CBLN2: variants seen among roughly 807,000 people sequenced by gnomAD.
The protein encoded by CBLN2 is cerebellin-2.
A neutral mutation model predicts 15.0 loss-of-function variants in CBLN2; 7 were observed. That is an observed-to-expected ratio of 0.47 (90% CI 0.27 to 0.88). The LOEUF is 0.88. Among genes scored for constraint, CBLN2 ranks in the 40% least tolerant of loss-of-function variants. CBLN2 has a pLI of 0.14. For synonymous variants in CBLN2, 149 were observed against 135.2 expected (o/e 1.10, Z -0.71); for missense variants, 242 against 304.5 (o/e 0.79, Z 1.53).
intron 1 of CBLN2, among the ~76,000 whole-genome samples, chr18:72,601,567 C>A (rs2144943054): frequency 6.6e-6 from 1 of 152,270 alleles, no homozygotes; most frequent in Non-Finnish European, 1.5e-5. Context: ...TTTCGCAGAC[C>A]CTCACCATTC....
intron 1 of CBLN2, among the ~76,000 whole-genome samples, chr18:72,550,737 T>C (rs970786849): frequency 3.3e-5 from 5 of 152,062 alleles, no homozygotes; most frequent in African/African-American, 1.2e-4. Context: ...AAATCCTCTA[T>C]GTGCCTTTAG....
intron 1 of CBLN2, among the ~76,000 whole-genome samples, chr18:72,586,617 C>T (rs1022988593): frequency 1.3e-5 from 2 of 152,170 alleles, no homozygotes; most frequent in Admixed American, 6.5e-5. Flanking sequence ...TTAAGCCAAA[C>T]TTGAACATTT....
chr18:72,584,581 C>T (rs1251051973), intron 1 of CBLN2, among the ~76,000 whole-genome samples: 2 of 151,946 alleles, frequency 1.3e-5, no homozygotes, highest in African/African-American at 4.8e-5. Context: ...GGATTACATG[C>T]ATAAGCCACC....
At chr18:72,580,050 A>G (rs2069392896) in intron 1 of CBLN2, among the ~76,000 whole-genome samples, 1 of 152,010 alleles carries the variant, frequency 6.6e-6, no homozygotes, top group African/African-American at 2.4e-5. Context: ...TTTCAAAAGA[A>G]GATATGATTA....
At chr18:72,634,995 G>T (rs900673590) in intron 1 of CBLN2, among the ~76,000 whole-genome samples, 2 of 151,972 alleles carry the variant, frequency 1.3e-5, no homozygotes, top group Non-Finnish European at 2.9e-5. Flanking sequence ...TTTCTTCCAT[G>T]GCTTATATTT....
chr18:72,588,407 C>T (rs2069457014), intron 1 of CBLN2, among the ~76,000 whole-genome samples: 1 of 152,054 alleles, frequency 6.6e-6, no homozygotes, highest in Non-Finnish European at 1.5e-5. Flanking sequence ...TGAAATTGAC[C>T]ATCTTAAAGT....
intron 1 of CBLN2, among the ~76,000 whole-genome samples, chr18:72,632,567 G>C (rs1379677566): frequency 2.6e-5 from 4 of 152,082 alleles, no homozygotes; most frequent in Non-Finnish European, 5.9e-5. Flanking sequence ...CTTTTACAAT[G>C]TGGCCATGAC....
upstream of CBLN2, among the ~76,000 whole-genome samples, chr18:72,548,477 C>T (rs2069172511): frequency 6.6e-6 from 1 of 152,144 alleles, no homozygotes; most frequent in East Asian, 1.9e-4. Flanking sequence ...AACTGAGCTA[C>T]TATAAGGCTA....
chr18:72,577,795 ATGT>A (rs1433510943), intron 1 of CBLN2, among the ~76,000 whole-genome samples: 2 of 152,312 alleles, frequency 1.3e-5, no homozygotes, highest in African/African-American at 2.4e-5. Flanking sequence ...GTAGACGTAA[ATGT>A]TGTTCACTGA....
intron 1 of CBLN2, among the ~76,000 whole-genome samples, chr18:72,565,573 T>C (rs143589739): frequency 2.0e-5 from 3 of 152,304 alleles, no homozygotes; most frequent in African/African-American, 7.2e-5. Flanking sequence ...TTATCAACTT[T>C]AGAAAGTCTA....
intron 1 of CBLN2, among the ~76,000 whole-genome samples, chr18:72,637,688 G>A (rs55860518): frequency 0.12 from 18,975 of 152,188 alleles, 1,288 homozygotes; most frequent in Middle Eastern, 0.16. Context: ...CATGTATTAA[G>A]TGTCTACCAT....
chr18:72,618,139 T>C (rs1410344210), intron 1 of CBLN2: 2 of 158,198 alleles, frequency 1.3e-5, no homozygotes, highest in African/African-American at 2.4e-5. Flanking sequence ...AATTTTCTTA[T>C]ATTATTGGTC....
In CBLN2 at chr18:72,616,390, G is replaced by T. The variant is rs2069662280; in HGVS notation, c.15+21935C>A. 3.9e-5 allele frequency among the ~76,000 whole-genome samples: 6 copies of T among 152,106 alleles called. No homozygotes were observed. In the South Asian group the frequency reaches 1.2e-3, roughly 32 times the overall value. On this transcript the variant is annotated intron_variant, in intron 1 of 2. Coordinates refer to the CBLN2 transcript ENST00000581073. Reference sequence around the variant, plus strand: ...TCACTATTTGGGTGCCATGGCTTGGGTCATATAGGAACTCGCCTTTGGGTC... The same window carrying T: ...TCACTATTTGGGTGCCATGGCTTGGTTCATATAGGAACTCGCCTTTGGGTC...
At chr18:72,578,511 C>G (rs532141331) in intron 1 of CBLN2, among the ~76,000 whole-genome samples, 3 of 152,282 alleles carry the variant, frequency 2.0e-5, no homozygotes, top group Admixed American at 6.5e-5. Context: ...TGGTGAAGAT[C>G]ATCATTTCTA....
chr18:72,631,536 T>G (rs563882229), intron 1 of CBLN2, among the ~76,000 whole-genome samples: 6 of 152,150 alleles, frequency 3.9e-5, no homozygotes, highest in African/African-American at 1.4e-4. Flanking sequence ...AATTGGGTGC[T>G]TGGAAAACAT....
chr18:72,556,521 T>C (rs2069227861), intron 1 of CBLN2, among the ~76,000 whole-genome samples: 1 of 152,212 alleles, frequency 6.6e-6, no homozygotes, highest in Admixed American at 6.5e-5. Context: ...TCCTGCACAC[T>C]TAGAAGGCCT....
intron 1 of CBLN2, among the ~76,000 whole-genome samples, chr18:72,609,383 A>G (rs753451497): frequency 6.6e-6 from 1 of 152,098 alleles, no homozygotes; most frequent in Non-Finnish European, 1.5e-5. Flanking sequence ...AGAAGAGGGC[A>G]TTAGACACAC....
upstream of CBLN2, among the ~76,000 whole-genome samples, chr18:72,546,075 T>C (rs1344077852): frequency 6.6e-6 from 1 of 152,332 alleles, no homozygotes; most frequent in South Asian, 2.1e-4. Flanking sequence ...GAAGAAACCA[T>C]AAAAGATAGC....
chr18:72,553,015 T>A (rs1224412117), intron 1 of CBLN2, among the ~76,000 whole-genome samples: 1 of 152,202 alleles, frequency 6.6e-6, no homozygotes, highest in Non-Finnish European at 1.5e-5. Flanking sequence ...TTTGGAAATA[T>A]TTGTTTAAAT....
Sources: allele counts gnomAD v4.1 joint callset (sites outside exome capture counted in the v4.1 genomes callset), GRCh38; gene constraint gnomAD v4.1.1; transcripts MANE v1.5; gene names NCBI Gene and HGNC (gene_info 2026-07-23, HGNC 2026-07-21).